Variants in KAT6B observed in about 807,000 individuals in gnomAD.
The protein encoded by KAT6B is lysine acetyltransferase 6B.
Under a neutral mutation model 187.5 loss-of-function variants are expected in KAT6B, and 10 were observed. The observed-to-expected ratio is 0.05, with a 90% CI of 0.03 to 0.09. KAT6B has a LOEUF of 0.09. Ranked by LOEUF, KAT6B falls within the 10% of genes least tolerant of loss-of-function variation. The probability of loss-of-function intolerance (pLI) is 1.00; values close to 1 mark genes in which losing one functional copy is unlikely to be tolerated. For missense variants in KAT6B, 1,952 were observed against 2,558.9 expected, an observed-to-expected ratio of 0.76 and a Z score of 5.12; for synonymous variants, 861 against 926.8, an observed-to-expected ratio of 0.93 and a Z score of 1.29.
intron 13 of KAT6B, among the ~76,000 whole-genome samples, chr10:74,991,572 A>G (rs988598216): frequency 6.6e-6 from 1 of 152,254 alleles, no homozygotes; most frequent in Non-Finnish European, 1.5e-5. Flanking sequence ...CCAGGCCACC[A>G]TGATGAATGC....
intron 3 of KAT6B, among the ~76,000 whole-genome samples, chr10:74,921,328 G>C (rs183264365): frequency 3.9e-5 from 6 of 152,042 alleles, no homozygotes; most frequent in African/African-American, 1.4e-4. Context: ...TGGCCAGGCC[G>C]GTCTGGAACT....
At chr10:74,878,878 T>C (rs1431209845) in intron 3 of KAT6B, among the ~76,000 whole-genome samples, 2 of 152,212 alleles carry the variant, frequency 1.3e-5, no homozygotes, top group African/African-American at 4.8e-5. Context: ...TTCCTTGTGC[T>C]CACTTGCTCA....
At chr10:74,847,033 C>T (rs1438515882) in intron 3 of KAT6B, among the ~76,000 whole-genome samples, 1 of 152,162 alleles carries the variant, frequency 6.6e-6, no homozygotes, top group East Asian at 1.9e-4. Context: ...CCCGTCATTT[C>T]TTGCCAACCT....
chr10:74,998,043 C>T lies in KAT6B; in HGVS notation c.2629+8931C>T, dbSNP rs146386712. ...AGGAGAATCACTTGAACCTGAGCGG[C>T]GGAGGTTGCAGTGAGCTGAGATTGT... On this transcript the variant is annotated intron_variant, in intron 13 of 17. Transcript: ENST00000287239. Among the ~76,000 whole-genome samples the T allele has an allele frequency of 7.6e-3, 1,161 of 152,254 alleles. 17 individuals are homozygous for T. The highest frequency in any genetic ancestry group is 0.033 in the East Asian group (169 of 5,186).
Position 74,987,719 on chromosome 10 carries a change from G to A in KAT6B, c.2536-1300G>A, listed in dbSNP as rs16931898. Among the ~76,000 whole-genome samples the A allele has an allele frequency of 4.9e-3, 745 of 152,288 alleles. 10 individuals carry two copies. Among genetic ancestry groups the A allele is most frequent in the Admixed American group, 0.016 (249 of 15,294 alleles). On this transcript the variant is annotated intron_variant, in intron 12 of 17. Coordinates refer to ENST00000287239, the MANE Select transcript of KAT6B (RefSeq NM_012330.4). ...GCTGTAGTAACATGTTAAGCTGCAC[G>A]GAGGGGAAGAAGGATCACTACTATG...
At chr10:75,009,143 G>A (rs1319519942) in intron 13 of KAT6B, among the ~76,000 whole-genome samples, 1 of 152,194 alleles carries the variant, frequency 6.6e-6, no homozygotes, top group African/African-American at 2.4e-5. Flanking sequence ...TGATTGCAGT[G>A]TGATTGATTC....
At chr10:74,922,140 ATG>A (rs1807277253) in intron 3 of KAT6B, among the ~76,000 whole-genome samples, 1 of 128,776 alleles carries the variant, frequency 7.8e-6, no homozygotes, top group African/African-American at 3.1e-5. Flanking sequence ...AAAATAACTC[ATG>A]TGATTGTATG....
intron 8 of KAT6B, 76 bp downstream of exon 8, chr10:74,976,406 T>C (rs969960163): frequency 3.4e-6 from 4 of 1,176,882 alleles, no homozygotes; most frequent in Non-Finnish European, 5.0e-6. Flanking sequence ...AATCAACCAA[T>C]CAATTCCTAT....
upstream of KAT6B, among the ~76,000 whole-genome samples, chr10:74,826,396 A>C (rs543816343): frequency 6.7e-6 from 1 of 149,994 alleles, no homozygotes; most frequent in Non-Finnish European, 1.5e-5. Context: ...GGAGGGGGGG[A>C]TGATGGGTCG....
chr10:74,945,710 A>G (rs922114835), intron 3 of KAT6B, among the ~76,000 whole-genome samples: 1 of 152,072 alleles, frequency 6.6e-6, no homozygotes, highest in Non-Finnish European at 1.5e-5. Context: ...TCAGCCTCCC[A>G]AAGTGCTGGG....
intron 13 of KAT6B, among the ~76,000 whole-genome samples, chr10:74,993,136 C>T (rs1043020125): frequency 8.5e-5 from 13 of 152,186 alleles, no homozygotes; most frequent in Admixed American, 2.0e-4. Flanking sequence ...AGCCTCACAC[C>T]GTCAAGGCAA....
chr10:74,983,255 T>C (rs1842626271), intron 11 of KAT6B: 1 of 152,366 alleles, frequency 6.6e-6, no homozygotes, highest in Non-Finnish European at 1.5e-5. Context: ...ATCTCTGGCC[T>C]CTGCTAATTG....
chr10:74,929,921 CT>C lies in KAT6B; in HGVS notation c.622-30033del, dbSNP rs370938293. On this transcript the variant is annotated intron_variant, in intron 3 of 17. Coordinates refer to ENST00000287239, the MANE Select transcript of KAT6B (RefSeq NM_012330.4). ...CTAAATTATCCTTATATTATTTTTC[CT>C]TTTTTTTTTTTTTTTGAGGCTTAGT... 1.9e-3 allele frequency among the ~76,000 whole-genome samples: 263 copies of C among 136,010 alleles called. 1 individual carries two copies. Among genetic ancestry groups the C allele is most frequent in the Middle Eastern group, 3.8e-3 (1 of 264 alleles). 89.2% of individuals were successfully genotyped at this position (136,010 alleles called of 152,430 possible).
At chr10:74,922,507 A>T (rs991163298) in intron 3 of KAT6B, among the ~76,000 whole-genome samples, 3 of 152,234 alleles carry the variant, frequency 2.0e-5, no homozygotes, top group Non-Finnish European at 2.9e-5. Context: ...TCTTTACCAG[A>T]GCATTTTAGC....
In KAT6B at chr10:75,030,342, G is replaced by A; in HGVS notation, c.5518G>A (p.Val1840Met). Residue 1840 changes from valine to methionine, a missense_variant, in exon 18 of 18, where the codon GTG becomes ATG. Physicochemically the swap from Val to Met is conservative, Grantham distance 21. Coordinates refer to ENST00000287239, the MANE Select transcript of KAT6B (RefSeq NM_012330.4). The surrounding 1 kb of genome is among the most constrained non-coding windows in gnomAD (Gnocchi z 4.8). The part of the protein sequence containing the change: ...HSLPYSHSAA[V>M]TSYANSASLS... ...ATTGCCTTACAGCCATTCCGCTGCT[G>A]TGACTTCCTATGCAAACAGTGCCTC... 6.2e-7 allele frequency: 1 copy of A among 1,614,208 alleles called. No individual in the cohort carries two copies. Among genetic ancestry groups the A allele is most frequent in the Non-Finnish European group, 8.5e-7 (1 of 1,180,034 alleles).
intron 13 of KAT6B, among the ~76,000 whole-genome samples, chr10:75,007,536 T>G (rs571492607): frequency 1.9e-4 from 29 of 152,050 alleles, no homozygotes; most frequent in African/African-American, 6.7e-4. Context: ...TGCAAGAGAT[T>G]ATTGTGAAAG....
Position 74,981,983 on chromosome 10 carries a change from G to C in KAT6B, c.2373+55G>C. 4 of 1,483,812 alleles carry C rather than the reference G, an allele frequency of 2.7e-6. No individual in the cohort carries two copies. The South Asian group carries it at 4.5e-5, about 17-fold the overall frequency. The allele number at this position is 1,483,812 out of a possible 1,614,324, so 91.9% of individuals were successfully genotyped here. Reference sequence around the variant, plus strand: ...TTTTTGAAATCTAGTACTCCTAATTGTTGACTATGTGCTGATTTGTGTTTA... The same window carrying C: ...TTTTTGAAATCTAGTACTCCTAATTCTTGACTATGTGCTGATTTGTGTTTA... On this transcript the variant is annotated intron_variant, in intron 11 of 17. Transcript: ENST00000287239.
At chr10:74,900,100 T>C (rs1157053427) in intron 3 of KAT6B, among the ~76,000 whole-genome samples, 1 of 152,084 alleles carries the variant, frequency 6.6e-6, no homozygotes, top group Non-Finnish European at 1.5e-5. Flanking sequence ...TTTTTATTAC[T>C]AACATACCTA....
chr10:74,827,628 A>G (rs1173014911), intron 1 of KAT6B, among the ~76,000 whole-genome samples: 1 of 151,868 alleles, frequency 6.6e-6, no homozygotes, highest in African/African-American at 2.4e-5. Context: ...GGCTGCTTAG[A>G]ACTTGCAAAA....
Sources: allele counts gnomAD v4.1 joint callset (sites outside exome capture counted in the v4.1 genomes callset), GRCh38; gene constraint gnomAD v4.1.1; non-coding constraint Gnocchi (gnomAD v3.1); transcripts MANE v1.5; gene names NCBI Gene and HGNC (gene_info 2026-07-23, HGNC 2026-07-21).